The following SPG11 variants were observed in gnomAD, a reference collection of about 807,000 sequenced individuals.
SPG11 encodes SPG11 vesicle trafficking associated, spatacsin, also known as spatacsin.
Under a neutral mutation model 274.0 loss-of-function variants are expected in SPG11, and 222 were observed. The observed-to-expected ratio is 0.81, with a 90% CI of 0.73 to 0.91. SPG11 has a LOEUF of 0.91. Among genes scored for constraint, SPG11 ranks in the 40% least tolerant of loss-of-function variants. The probability of loss-of-function intolerance (pLI) is 0.00; values close to 1 mark genes in which losing one functional copy is unlikely to be tolerated. For synonymous variants in SPG11, 1,144 were observed against 1,039.7 expected (o/e 1.10, Z -1.93); for missense variants, 3,114 against 2,872.7 (o/e 1.08, Z -1.92).
At chr15:44,589,169 T>C (rs887620056) in intron 28 of SPG11, 83 bp downstream of exon 28, 1 of 1,442,358 alleles carries the variant, frequency 6.9e-7, no homozygotes, top group East Asian at 2.3e-5. Context: ...TGCATTTTAA[T>C]TTCCTAACTA....
chr15:44,572,938 T>C (rs1290347849), intron 32 of SPG11, 118 bp from the exon 33 acceptor site: 5 of 993,812 alleles, frequency 5.0e-6, no homozygotes, highest in African/African-American at 3.2e-5. Context: ...CTTGCTGAGC[T>C]TGAAACCCTT....
chr15:44,602,173 C>T (rs1347885190), intron 20 of SPG11, among the ~76,000 whole-genome samples: 1 of 151,894 alleles, frequency 6.6e-6, no homozygotes, highest in Non-Finnish European at 1.5e-5. Context: ...ACAATGACAA[C>T]TTCACTTCTT....
intron 15 of SPG11, among the ~76,000 whole-genome samples, chr15:44,618,908 T>C (rs2083665077): frequency 6.6e-6 from 1 of 152,222 alleles, no homozygotes; most frequent in Non-Finnish European, 1.5e-5. Flanking sequence ...ATCAAATGCT[T>C]TTCTGTATCT....
intron 12 of SPG11, 114 bp from the exon 13 acceptor site, chr15:44,622,461 A>T: frequency 1.1e-6 from 1 of 932,570 alleles, no homozygotes; most frequent in African/African-American, 1.7e-5. Context: ...TATTAAAAAA[A>T]GTCATGAGAT....
Position 44,592,470 on chromosome 15 carries a change from A to T in SPG11, c.4636-32T>A, listed in dbSNP as rs774418215. ...CAAAGAGTTTGAAAAAAATTACAAAATTTTGAACTTAATATTTTTTCAATG... is the reference window on the plus strand; with the variant it reads ...CAAAGAGTTTGAAAAAAATTACAAATTTTTGAACTTAATATTTTTTCAATG... On this transcript the variant is annotated intron_variant, in intron 26 of 39. Transcript: ENST00000261866. 7.8e-6 allele frequency: 10 copies of T among 1,279,136 alleles called. 1 individual carries two copies. Among genetic ancestry groups the T allele is most frequent in the Non-Finnish European group, 1.0e-5 (9 of 875,268 alleles). The allele number at this position is 1,279,136 out of a possible 1,614,324, so 79.2% of individuals were successfully genotyped here.
At chr15:44,641,335 T>C (rs999796538) in intron 7 of SPG11, among the ~76,000 whole-genome samples, 3 of 151,854 alleles carry the variant, frequency 2.0e-5, no homozygotes, top group Admixed American at 6.6e-5. Flanking sequence ...ATGTCACAAA[T>C]AGCATTAGTC....
chr15:44,599,632 T>C (rs1480747900), intron 21 of SPG11, among the ~76,000 whole-genome samples: 3 of 152,190 alleles, frequency 2.0e-5, no homozygotes, highest in Non-Finnish European at 4.4e-5. Context: ...TTTTACCATG[T>C]GGAATGGGAA....
At chr15:44,621,442 C>G (rs2083747289) in intron 14 of SPG11, 2 of 332,578 alleles carry the variant, frequency 6.0e-6, no homozygotes, top group Admixed American at 8.8e-5. Flanking sequence ...TCCCCCATAT[C>G]AGATGGCATA....
intron 1 of SPG11, among the ~76,000 whole-genome samples, chr15:44,662,676 C>G (rs1439997205): frequency 1.5e-5 from 2 of 133,654 alleles, no homozygotes; most frequent in Non-Finnish European, 3.1e-5. Context: ...AAAAAAAAAG[C>G]AGCAGCCCAC....
chr15:44,635,314 C>T (rs1397587445), intron 7 of SPG11, among the ~76,000 whole-genome samples: 1 of 151,990 alleles, frequency 6.6e-6, no homozygotes, highest in Non-Finnish European at 1.5e-5. Flanking sequence ...GTGGCTCATG[C>T]CTGCAATCCC....
rs769919296 is a variant in SPG11, at chr15:44,584,394, G to A, written c.5286C>T (p.His1762=). The A allele has an allele frequency of 4.6e-5, 74 of 1,613,998 alleles. No homozygotes were observed. The highest frequency in any genetic ancestry group is 6.0e-5 in the Non-Finnish European group (71 of 1,179,918). Residue 1762 remains histidine, a synonymous_variant, in exon 30 of 40, where the codon CAC becomes CAT. Coordinates refer to ENST00000261866, the MANE Select transcript of SPG11 (RefSeq NM_025137.4). ...CCTCCATGCTGCTCCATCCAGTTGG[G>A]TGCTCACATGCCACATGGGCCTGGG... ...FSTQAHVACE[H]PTGWSSMEER...
At chr15:44,589,183 C>G (rs533114789) in intron 28 of SPG11, 69 bp downstream of exon 28, 3 of 1,541,746 alleles carry the variant, frequency 1.9e-6, no homozygotes, top group African/African-American at 2.7e-5. Context: ...CTAACTACCC[C>G]TCTAAAGTAT....
rs34800368 is a variant in SPG11, at chr15:44,585,602, T to TAAAA, written c.5121+30_5121+33dup. On this transcript the variant is annotated intron_variant, in intron 29 of 39. Transcript: ENST00000261866. ...GGGTGACAGAGCAAGACCCCGTATC[T>TAAAA]AAAAAAAAAAAAAAAAAAAAAGACC... The TAAAA allele has an allele frequency of 1.9e-3, 2,257 of 1,193,368 alleles. 8 individuals carry two copies. The highest frequency in any genetic ancestry group is 2.1e-3 in the Non-Finnish European group (1,807 of 870,892). The allele number at this position is 1,193,368 out of a possible 1,614,324, so 73.9% of individuals were successfully genotyped here.
Position 44,606,053 on chromosome 15 carries a change from C to A in SPG11, c.3492G>T (p.Trp1164Cys), listed in dbSNP as rs2083310287. Residue 1164 changes from tryptophan (W) to cysteine (C), a missense_variant, in exon 20 of 40, where the codon TGG becomes TGT. Physicochemically the swap from Trp to Cys is radical, Grantham distance 215. Transcript: ENST00000261866. ...CTATAGCTAGTGTGTTAGCAGACTG[C>A]CAGCCAAACAATCTGCTAGGATCAA... Reference protein sequence around the residue: ...SPFDPSRLFGWQSANTLAIGD... With the variant: ...SPFDPSRLFGCQSANTLAIGD... 5 of 1,613,562 alleles carry A rather than the reference C, an allele frequency of 3.1e-6. No individual in the cohort carries two copies. Among genetic ancestry groups the A allele is most frequent in the Non-Finnish European group, 4.2e-6 (5 of 1,179,746 alleles).
chr15:44,578,361 T>C (rs1359601147), intron 30 of SPG11, among the ~76,000 whole-genome samples: 1 of 151,974 alleles, frequency 6.6e-6, no homozygotes, highest in Non-Finnish European at 1.5e-5. Flanking sequence ...GCAGGGGCGC[T>C]CTGGTCTCAG....
chr15:44,592,714 A>G (rs1428590041), intron 26 of SPG11, among the ~76,000 whole-genome samples: 1 of 151,944 alleles, frequency 6.6e-6, no homozygotes, highest in Non-Finnish European at 1.5e-5. Flanking sequence ...CAGCTACTCC[A>G]GAGGCTGAGG....
Position 44,569,429 on chromosome 15 carries a change from AAGT to A in SPG11, c.6551_6553del (p.Tyr2184del). ...CAACTTCTTCCTCATTAGCACTTCA[AAGT>A]AGTGCTTTTTATGCAGCAAATCAAA... is the stretch of plus-strand genomic sequence containing the variant. On this transcript the variant is annotated inframe_deletion, in exon 35 of 40. Coordinates refer to ENST00000261866, the MANE Select transcript of SPG11 (RefSeq NM_025137.4). 6.2e-7 allele frequency: 1 copy of A among 1,606,580 alleles called. No individual in the cohort carries two copies. The highest frequency in any genetic ancestry group is 8.5e-7 in the Non-Finnish European group (1 of 1,175,878).
intron 7 of SPG11, 117 bp downstream of exon 7, chr15:44,648,749 C>A (rs2068481732): frequency 8.4e-7 from 1 of 1,194,626 alleles, no homozygotes. Flanking sequence ...AATAGATATA[C>A]AAAGGCTATA....
At chr15:44,612,000 G>A (rs1051084186) in intron 17 of SPG11, among the ~76,000 whole-genome samples, 20 of 151,830 alleles carry the variant, frequency 1.3e-4, no homozygotes, top group African/African-American at 4.4e-4. Context: ...TAGTAGAGAC[G>A]GGGTTTCCCC....
Sources: gnomAD v4.1 joint callset for allele counts (sites outside exome capture counted in the v4.1 genomes callset) on GRCh38, gnomAD v4.1.1 for gene constraint, MANE v1.5 for transcripts, NCBI Gene and HGNC (gene_info 2026-07-23, HGNC 2026-07-21) for gene names.